Variants in SIK3 observed in about 807,000 individuals in gnomAD.
SIK3 encodes the protein serine/threonine-protein kinase SIK3.
In SIK3, 28 loss-of-function variants were observed where a neutral mutation model predicts 144.2. The ratio of observed to expected loss-of-function variants is 0.19; its 90% CI spans 0.14 to 0.27. The LOEUF (loss-of-function observed/expected upper bound fraction) is 0.27. Ranked by LOEUF, SIK3 falls within the 10% of genes least tolerant of loss-of-function variation. SIK3 has a pLI of 1.00. For missense variants in SIK3, 1,319 were observed against 1,776.0 expected (o/e 0.74, Z 4.62); for synonymous variants, 686 against 676.3 (o/e 1.01, Z -0.22).
intron 1 of SIK3, among the ~76,000 whole-genome samples, chr11:117,074,660 C>T (rs938701490): frequency 6.6e-6 from 1 of 152,004 alleles, no homozygotes; most frequent in Non-Finnish European, 1.5e-5. Flanking sequence ...TGGTGGCTCA[C>T]GCCTGTAATC....
chr11:116,971,874 G>A (rs1366012045), intron 1 of SIK3, among the ~76,000 whole-genome samples: 4 of 151,970 alleles, frequency 2.6e-5, no homozygotes, highest in Admixed American at 2.0e-4. Flanking sequence ...GGATCACGAG[G>A]TCAGGAGTTC....
chr11:116,975,757 T>G (rs370380291), intron 1 of SIK3, among the ~76,000 whole-genome samples: 1 of 152,354 alleles, frequency 6.6e-6, no homozygotes, highest in East Asian at 1.9e-4. Flanking sequence ...GTAATTCCAC[T>G]TTTAACATTT....
chr11:116,875,250 A>G lies in SIK3; in HGVS notation c.1335T>C (p.Asn445=). 1 of 1,614,180 alleles carries G rather than the reference A, an allele frequency of 6.2e-7. No individual in the cohort carries two copies. The highest frequency in any genetic ancestry group is 8.5e-7 in the Non-Finnish European group (1 of 1,180,026). Residue 445 remains asparagine (N), a synonymous_variant, in exon 11 of 25, where the codon AAT becomes AAC. Transcript: ENST00000445177. The part of the protein sequence containing the change: ...NQIVEPDGTL[N]LDSDEGEEPS... ...GCTCTTCACCCTCATCACTGTCCAA[A>G]TTCAGTGTCCCATCCGGCTGAGGTG... is the stretch of plus-strand genomic sequence containing the variant.
chr11:116,891,037 T>A (rs1425009197), intron 6 of SIK3, among the ~76,000 whole-genome samples: 3 of 152,176 alleles, frequency 2.0e-5, no homozygotes, highest in Admixed American at 1.3e-4. Flanking sequence ...TTTAAAAAAA[T>A]TGTTTGCTGG....
At chr11:117,094,623 G>GA (rs1043023059) in intron 1 of SIK3, among the ~76,000 whole-genome samples, 1 of 151,482 alleles carries the variant, frequency 6.6e-6, no homozygotes, top group Non-Finnish European at 1.5e-5. Context: ...TTTAAAAAAG[G>GA]AAAAAAAATG....
chr11:116,875,764 G>A (rs1944218406), intron 9 of SIK3, 102 bp downstream of exon 9: 1 of 1,367,776 alleles, frequency 7.3e-7, no homozygotes, highest in African/African-American at 1.5e-5. Flanking sequence ...ACAGAGGTAA[G>A]GAAGAGCAAG....
chr11:117,023,386 A>G (rs1205713681), intron 1 of SIK3, among the ~76,000 whole-genome samples: 1 of 150,250 alleles, frequency 6.7e-6, no homozygotes, highest in African/African-American at 2.5e-5. Flanking sequence ...GCAGGAAGAG[A>G]GACTGAAGTA....
chr11:116,989,180 A>G (rs573879245), intron 1 of SIK3, among the ~76,000 whole-genome samples: 2 of 152,244 alleles, frequency 1.3e-5, no homozygotes, highest in African/African-American at 4.8e-5. Context: ...CCCAGCCAGC[A>G]GCACCTTTCC....
chr11:116,982,331 C>T (rs924948338), intron 1 of SIK3, among the ~76,000 whole-genome samples: 4 of 151,784 alleles, frequency 2.6e-5, no homozygotes, highest in Admixed American at 1.3e-4. Context: ...CTCTGTCACC[C>T]GGGCTGGAGT....
At chr11:117,052,352 A>C (rs1287526366) in intron 1 of SIK3, among the ~76,000 whole-genome samples, 1 of 152,196 alleles carries the variant, frequency 6.6e-6, no homozygotes, top group African/African-American at 2.4e-5. Flanking sequence ...CAGCGAACCT[A>C]AAGGTAGAAA....
At chr11:116,982,943 CAAAAAAAAAAAAAA>C (rs35698580) in intron 1 of SIK3, among the ~76,000 whole-genome samples, 3 of 69,856 alleles carry the variant, frequency 4.3e-5, no homozygotes, top group Admixed American at 2.0e-4. Context: ...GACTCCGTCT[CAAAAAAAAAAAAAA>C]AAAAAAAAAA....
At chr11:117,011,344 G>A (rs1332968845) in intron 1 of SIK3, among the ~76,000 whole-genome samples, 3 of 152,068 alleles carry the variant, frequency 2.0e-5, no homozygotes, top group Non-Finnish European at 2.9e-5. Flanking sequence ...GGCAGAAAGG[G>A]ACTGTCTGAG....
rs756212699 is a variant in SIK3, at chr11:116,846,054, AG to A, written c.*13+328del. On this transcript the variant is annotated intron_variant, in intron 24 of 24. Coordinates refer to ENST00000445177, the MANE Select transcript of SIK3 (RefSeq NM_001366686.3). This position sits in a 1 kb window ranked among gnomAD's most constrained non-coding sequence, Gnocchi z 4.1. ...CTCCTTTCCTCATTATGCTGACCGG[AG>A]GTCACCTGCATCCTCTGGAGCCGTA... 1.3e-5 allele frequency among the ~76,000 whole-genome samples: 2 copies of A among 152,114 alleles called. No homozygotes were observed. Among genetic ancestry groups the A allele is most frequent in the East Asian group, 3.8e-4 (2 of 5,200 alleles).
intron 3 of SIK3, among the ~76,000 whole-genome samples, chr11:116,943,576 A>G (rs1948427899): frequency 6.6e-6 from 1 of 152,176 alleles, no homozygotes; most frequent in African/African-American, 2.4e-5. Context: ...CATTCATCAA[A>G]GACACTCACC....
intron 1 of SIK3, among the ~76,000 whole-genome samples, chr11:117,063,655 G>C (rs563257685): frequency 1.3e-5 from 2 of 149,294 alleles, no homozygotes. Context: ...GCATGATCTC[G>C]GCTCACTGCA....
At chr11:116,989,756 T>G (rs961263132) in intron 1 of SIK3, among the ~76,000 whole-genome samples, 1 of 152,150 alleles carries the variant, frequency 6.6e-6, no homozygotes, top group Non-Finnish European at 1.5e-5. Context: ...ATTAAAAATA[T>G]CAGGCAGATT....
At chr11:117,070,666 G>A (rs111641976) in intron 1 of SIK3, among the ~76,000 whole-genome samples, 8,460 of 151,284 alleles carry the variant, frequency 0.056, 519 homozygotes, top group African/African-American at 0.15. Context: ...GGCTGGTCTC[G>A]AACTCCTGAC....
intron 3 of SIK3, among the ~76,000 whole-genome samples, chr11:116,929,275 G>A (rs1401529453): frequency 6.6e-6 from 1 of 152,176 alleles, no homozygotes; most frequent in Non-Finnish European, 1.5e-5. Flanking sequence ...GAGCTTTGAA[G>A]AGACAGCTAT....
chr11:117,052,724 A>C (rs896007618), intron 1 of SIK3, among the ~76,000 whole-genome samples: 1 of 152,212 alleles, frequency 6.6e-6, no homozygotes, highest in Non-Finnish European at 1.5e-5. Flanking sequence ...CCTTCCAATG[A>C]CTACATGCTG....
Sources: allele counts gnomAD v4.1 joint callset (sites outside exome capture counted in the v4.1 genomes callset), GRCh38; gene constraint gnomAD v4.1.1; non-coding constraint Gnocchi (gnomAD v3.1); transcripts MANE v1.5; gene names NCBI Gene and HGNC (gene_info 2026-07-23, HGNC 2026-07-21).